The following CNTN5 variants were observed in gnomAD, a reference collection of about 807,000 sequenced individuals.
CNTN5 encodes contactin 5, also known as contactin-5.
In CNTN5, 77 loss-of-function variants were observed where a neutral mutation model predicts 129.1. That is an observed-to-expected ratio of 0.60 (90% CI 0.50 to 0.72). CNTN5 has a LOEUF of 0.72. CNTN5 is among the 30% of genes least tolerant of loss of function. The pLI, the probability that CNTN5 is intolerant of heterozygous loss-of-function variation, is 0.00. For missense variants in CNTN5, 1,478 were observed against 1,328.8 expected, an observed-to-expected ratio of 1.11 and a Z score of -1.75; for synonymous variants, 509 against 465.6, an observed-to-expected ratio of 1.09 and a Z score of -1.20.
At chr11:100,003,006 A>G (rs1305501463) in intron 9 of CNTN5, among the ~76,000 whole-genome samples, 1 of 152,122 alleles carries the variant, frequency 6.6e-6, no homozygotes, top group African/African-American at 2.4e-5. Context: ...CCAGATACAC[A>G]AGTGTGATTA....
intron 2 of CNTN5, among the ~76,000 whole-genome samples, chr11:99,479,726 A>G (rs1945516505): frequency 6.6e-6 from 1 of 152,054 alleles, no homozygotes; most frequent in Admixed American, 6.5e-5. Flanking sequence ...GTGTAATAAT[A>G]CTCTACTTAA....
intron 3 of CNTN5, among the ~76,000 whole-genome samples, chr11:99,728,283 C>T (rs1048615720): frequency 6.6e-6 from 1 of 152,148 alleles, no homozygotes; most frequent in South Asian, 2.1e-4. Context: ...TTGTGAGTGA[C>T]TTGAGGTATT....
intron 3 of CNTN5, among the ~76,000 whole-genome samples, chr11:99,632,434 G>A (rs909902797): frequency 1.3e-5 from 2 of 152,188 alleles, no homozygotes; most frequent in Admixed American, 1.3e-4. Flanking sequence ...GTCAGCCAAG[G>A]TGAGGATGAT....
At chr11:99,575,449 C>A (rs1949314277) in intron 3 of CNTN5, among the ~76,000 whole-genome samples, 1 of 152,130 alleles carries the variant, frequency 6.6e-6, no homozygotes, top group South Asian at 2.1e-4. Flanking sequence ...ATGCCTTTTA[C>A]TCTACATCTA....
chr11:100,000,387 T>G (rs1165958568), intron 8 of CNTN5, among the ~76,000 whole-genome samples: 6 of 152,140 alleles, frequency 3.9e-5, no homozygotes, highest in Non-Finnish European at 5.9e-5. Flanking sequence ...TATTAAATCT[T>G]AAAGCACCAA....
At chr11:99,645,877 A>G (rs1565384342) in intron 3 of CNTN5, among the ~76,000 whole-genome samples, 1 of 152,326 alleles carries the variant, frequency 6.6e-6, no homozygotes, top group East Asian at 1.9e-4. Flanking sequence ...GCAAACCACC[A>G]TGATACGTGT....
chr11:99,242,740 G>T (rs1861623531), intron 1 of CNTN5, among the ~76,000 whole-genome samples: 1 of 152,066 alleles, frequency 6.6e-6, no homozygotes, highest in Admixed American at 6.6e-5. Context: ...GAAGTACTTT[G>T]TTTTCTGTCC....
At chr11:99,833,108 A>G (rs183081201) in intron 4 of CNTN5, among the ~76,000 whole-genome samples, 10 of 152,290 alleles carry the variant, frequency 6.6e-5, no homozygotes, top group African/African-American at 2.4e-4. Flanking sequence ...CCAAAAAGCA[A>G]TCCTTTCTGA....
At chr11:99,088,741 A>G (rs1032025063) in intron 1 of CNTN5, among the ~76,000 whole-genome samples, 2 of 152,170 alleles carry the variant, frequency 1.3e-5, no homozygotes, top group African/African-American at 4.8e-5. Flanking sequence ...GAAAAAAGAA[A>G]TCACTGCATG....
chr11:100,211,981 C>T (rs17094633), intron 15 of CNTN5, among the ~76,000 whole-genome samples: 3,215 of 152,120 alleles, frequency 0.021, 110 homozygotes, highest in African/African-American at 0.073. Flanking sequence ...GTTTAAAATG[C>T]TTTAAAAGGA....
Position 99,845,169 on chromosome 11 carries a change from C to A in CNTN5, c.484C>A (p.Pro162Thr). The change falls in exon 6 of 25, where the codon CCA (proline) becomes ACA (threonine). Residue 162 changes from proline (P) to threonine (T), a missense_variant. Physicochemically the swap from Pro to Thr is conservative, Grantham distance 38. Transcript: ENST00000524871. ...LIDGTFIISN[P>T]SEAKDSGHYQ... ...AGATGGCACCTTCATTATAAGCAAT[C>A]CAAGTGAAGCAAAGGATTCTGGTCA... is the stretch of plus-strand genomic sequence containing the variant. The A allele has an allele frequency of 6.2e-7, 1 of 1,613,628 alleles. No homozygotes were observed. Among genetic ancestry groups the A allele is most frequent in the Middle Eastern group, 1.7e-4 (1 of 6,060 alleles).
intron 4 of CNTN5, among the ~76,000 whole-genome samples, chr11:99,836,388 C>A: frequency 6.7e-6 from 1 of 150,020 alleles, no homozygotes; most frequent in South Asian, 2.1e-4. Flanking sequence ...TGAGAACATG[C>A]GGTGTTTGGT....
chr11:99,757,658 A>G (rs1944446868), intron 3 of CNTN5, among the ~76,000 whole-genome samples: 1 of 152,046 alleles, frequency 6.6e-6, no homozygotes, highest in Non-Finnish European at 1.5e-5. Flanking sequence ...TTCCAGGAAG[A>G]ACATGAATTT....
intron 1 of CNTN5, among the ~76,000 whole-genome samples, chr11:99,058,483 A>G (rs551862723): frequency 5.3e-5 from 8 of 152,100 alleles, no homozygotes; most frequent in African/African-American, 1.9e-4. Flanking sequence ...TTTTCTCACA[A>G]TATTAGAGTT....
intron 2 of CNTN5, among the ~76,000 whole-genome samples, chr11:99,547,876 A>G (rs1948352418): frequency 6.6e-6 from 1 of 152,198 alleles, no homozygotes; most frequent in South Asian, 2.1e-4. Flanking sequence ...TAGACTGTCT[A>G]GATATTAATA....
intron 13 of CNTN5, among the ~76,000 whole-genome samples, chr11:100,120,506 A>G (rs912051491): frequency 2.0e-5 from 3 of 151,984 alleles, no homozygotes; most frequent in South Asian, 2.1e-4. Flanking sequence ...ATTCAACAGA[A>G]GAATCATAAT....
chr11:100,272,366 G>A (rs535578952), intron 18 of CNTN5, among the ~76,000 whole-genome samples: 1 of 152,112 alleles, frequency 6.6e-6, no homozygotes, highest in Non-Finnish European at 1.5e-5. Flanking sequence ...GTGTATTATA[G>A]TTATAGAACT....
intron 13 of CNTN5, among the ~76,000 whole-genome samples, chr11:100,128,950 A>T (rs1044966389): frequency 2.6e-5 from 4 of 152,130 alleles, no homozygotes; most frequent in African/African-American, 7.2e-5. Context: ...GCAATTATAC[A>T]TTATATCACT....
chr11:99,982,920 C>T (rs1453343354), intron 8 of CNTN5, among the ~76,000 whole-genome samples: 3 of 152,050 alleles, frequency 2.0e-5, no homozygotes, highest in Non-Finnish European at 4.4e-5. Flanking sequence ...GGATTGCAGG[C>T]ATGAAAATTT....
Sources: allele counts gnomAD v4.1 joint callset (sites outside exome capture counted in the v4.1 genomes callset), GRCh38; gene constraint gnomAD v4.1.1; transcripts MANE v1.5; gene names NCBI Gene and HGNC (gene_info 2026-07-23, HGNC 2026-07-21).